GPRC6A: variants seen among roughly 807,000 people sequenced by gnomAD.
The protein encoded by GPRC6A is G protein-coupled receptor family C group 6 member A.
Under a neutral mutation model 47.0 loss-of-function variants are expected in GPRC6A, and 54 were observed. The ratio of observed to expected loss-of-function variants is 1.15; its 90% CI spans 0.92 to 1.44. GPRC6A has a LOEUF of 1.44. Ranked by LOEUF, GPRC6A falls within the 40% of genes most tolerant of loss-of-function variation. GPRC6A has a pLI of 0.00. For synonymous variants in GPRC6A, 347 were observed against 377.1 expected, an observed-to-expected ratio of 0.92 and a Z score of 0.93; for missense variants, 1,112 against 1,105.5, an observed-to-expected ratio of 1.01 and a Z score of -0.08.
chr6:116,810,433 A>C (rs1423618321), intron 1 of GPRC6A, among the ~76,000 whole-genome samples: 1 of 151,960 alleles, frequency 6.6e-6, no homozygotes, highest in Non-Finnish European at 1.5e-5. Flanking sequence ...ATCTCTTACT[A>C]TGTTTCCTTC....
rs746503898 is a variant in GPRC6A, at chr6:116,809,558, T to A, written c.254A>T (p.Asn85Ile). The A allele has an allele frequency of 2.5e-6, 4 of 1,612,794 alleles. No homozygotes were observed. In the East Asian group the frequency reaches 8.9e-5, roughly 36 times the overall value. Residue 85 changes from asparagine (N) to isoleucine (I), a missense_variant, in exon 2 of 6, where the codon AAC (asparagine) becomes ATC (isoleucine). Coordinates refer to ENST00000310357, the MANE Select transcript of GPRC6A (RefSeq NM_148963.4). ...LAMIHSIEMI[N>I]NSTLLPGVKL... ...GACTCCAGGTAAGAGTGTTGAATTG[T>A]TGATCATCTCAATGCTGTGTATCAT...
At chr6:116,816,986 G>A (rs1176212742) in intron 1 of GPRC6A, among the ~76,000 whole-genome samples, 3 of 152,200 alleles carry the variant, frequency 2.0e-5, no homozygotes, top group African/African-American at 4.8e-5. Context: ...GCCCAGGCTC[G>A]CTTAGGTAAA....
intron 1 of GPRC6A, among the ~76,000 whole-genome samples, chr6:116,823,971 C>T (rs1415114603): frequency 2.6e-5 from 4 of 152,122 alleles, no homozygotes; most frequent in Admixed American, 1.3e-4. Context: ...AAACTGCTCC[C>T]ATGATCCAAT....
In GPRC6A at chr6:116,792,508, T is replaced by C. The variant is rs1246532593; in HGVS notation, c.2415A>G (p.Thr805=). The change falls in exon 6 of 6, where the codon ACA becomes ACG. Residue 805 remains threonine (T), a synonymous_variant. Coordinates refer to ENST00000310357, the MANE Select transcript of GPRC6A (RefSeq NM_148963.4). ...WITFIPIYAT[T]FGKYVPAVEI... is the part of the protein sequence containing the mutation. Reference sequence around the variant, plus strand: ...CCACAGCTGGTACATATTTGCCAAATGTGGTAGCATAGATAGGGATGAATG... The same window carrying C: ...CCACAGCTGGTACATATTTGCCAAACGTGGTAGCATAGATAGGGATGAATG... 1 of 1,613,868 alleles carries C rather than the reference T, an allele frequency of 6.2e-7. No individual in the cohort carries two copies. The highest frequency in any genetic ancestry group is 1.1e-5 in the South Asian group (1 of 91,058).
At chr6:116,819,686 G>A (rs372762816) in intron 1 of GPRC6A, among the ~76,000 whole-genome samples, 9 of 152,048 alleles carry the variant, frequency 5.9e-5, no homozygotes, top group East Asian at 3.9e-4. Flanking sequence ...ACATACCAGA[G>A]TCTCTGGGAC....
At chr6:116,813,624 C>G (rs912028551) in intron 1 of GPRC6A, among the ~76,000 whole-genome samples, 1 of 152,174 alleles carries the variant, frequency 6.6e-6, no homozygotes, top group African/African-American at 2.4e-5. Context: ...GGATTAAAGA[C>G]TTAAATGTTA....
Position 116,807,224 on chromosome 6 carries a change from AT to A in GPRC6A, c.499-19del. ...TAACCCACCTGGAAATAGACAGAAT[AT>A]TTTAGTTATGGTGTTGATGAACTCC... On this transcript the variant is annotated intron_variant, in intron 2 of 5. Transcript: ENST00000310357. 6.7e-7 allele frequency: 1 copy of A among 1,496,832 alleles called. No homozygotes were observed. The highest frequency in any genetic ancestry group is 9.2e-7 in the Non-Finnish European group (1 of 1,081,310). 92.7% of individuals were successfully genotyped at this position (1,496,832 alleles called of 1,614,324 possible).
chr6:116,806,160 C>G (rs1772829561), intron 3 of GPRC6A, among the ~76,000 whole-genome samples: 1 of 151,958 alleles, frequency 6.6e-6, no homozygotes, highest in African/African-American at 2.4e-5. Flanking sequence ...TTTGGTAGGT[C>G]AGAGTAGGAA....
intron 1 of GPRC6A, among the ~76,000 whole-genome samples, chr6:116,814,909 A>G (rs920938686): frequency 2.0e-5 from 3 of 152,222 alleles, no homozygotes; most frequent in African/African-American, 4.8e-5. Flanking sequence ...AACAAAAACC[A>G]AAAGTGAGCA....
intron 1 of GPRC6A, among the ~76,000 whole-genome samples, chr6:116,824,873 C>T (rs545107911): frequency 9.9e-5 from 15 of 151,868 alleles, no homozygotes; most frequent in African/African-American, 3.1e-4. Flanking sequence ...TTCAACAGTG[C>T]GTCACAAAGA....
intron 1 of GPRC6A, among the ~76,000 whole-genome samples, chr6:116,826,661 A>C (rs1287997257): frequency 6.6e-6 from 1 of 151,994 alleles, no homozygotes; most frequent in Non-Finnish European, 1.5e-5. Context: ...TCAAAAATCT[A>C]AAAATGATAA....
At chr6:116,807,510 T>C (rs1386201440) in intron 2 of GPRC6A, among the ~76,000 whole-genome samples, 10 of 152,176 alleles carry the variant, frequency 6.6e-5, no homozygotes, top group African/African-American at 2.2e-4. Context: ...TGGATATTAT[T>C]TAAATACTTA....
chr6:116,821,157 G>A (rs1370416426), intron 1 of GPRC6A, among the ~76,000 whole-genome samples: 1 of 151,852 alleles, frequency 6.6e-6, no homozygotes, highest in African/African-American at 2.4e-5. Flanking sequence ...TCCAAGGGAT[G>A]TGAAGGACCT....
rs1489663850 is a variant in GPRC6A at position 116,793,149 on chromosome 6, A to T, written c.1774T>A (p.Ser592Thr). The T allele has an allele frequency of 1.2e-6, 2 of 1,613,666 alleles. No individual in the cohort carries two copies. The highest frequency in any genetic ancestry group is 1.7e-6 in the Non-Finnish European group (2 of 1,179,628). Residue 592 changes from serine (S) to threonine (T), a missense_variant, in exon 6 of 6, where the codon TCC becomes ACC. Physicochemically the swap from Ser to Thr is moderately conservative, Grantham distance 58 (BLOSUM62 1). Transcript: ENST00000310357. Reference protein sequence around the residue: ...KEVEYLNWNDSLAILLLILSL... With the variant: ...KEVEYLNWNDTLAILLLILSL... ...AGAATCAGGAGTAGGATGGCCAAGG[A>T]GTCATTCCAGTTGAGATATTCCACT... is the stretch of plus-strand genomic sequence containing the variant.
intron 1 of GPRC6A, among the ~76,000 whole-genome samples, chr6:116,810,837 A>G (rs934260716): frequency 2.0e-5 from 3 of 152,124 alleles, no homozygotes; most frequent in Non-Finnish European, 4.4e-5. Context: ...GGCACAACCA[A>G]CATTAGCCAG....
At chr6:116,820,430 C>T (rs1430291756) in intron 1 of GPRC6A, among the ~76,000 whole-genome samples, 1 of 151,970 alleles carries the variant, frequency 6.6e-6, no homozygotes, top group Admixed American at 6.6e-5. Context: ...GACCAATATC[C>T]TTGATGAACA....
At chr6:116,799,676 T>TG (rs1772599925) in intron 4 of GPRC6A, among the ~76,000 whole-genome samples, 1 of 152,064 alleles carries the variant, frequency 6.6e-6, no homozygotes, top group Non-Finnish European at 1.5e-5. Context: ...AGAAATAGAG[T>TG]ATACAAAGAA....
At chr6:116,812,902 C>G (rs893377904) in intron 1 of GPRC6A, among the ~76,000 whole-genome samples, 1 of 152,194 alleles carries the variant, frequency 6.6e-6, no homozygotes, top group Non-Finnish European at 1.5e-5. Context: ...TAAGCAACTT[C>G]AGCAAAGTCT....
chr6:116,795,889 C>G, intron 4 of GPRC6A, 54 bp from the exon 5 acceptor site: 1 of 1,241,558 alleles, frequency 8.1e-7, no homozygotes, highest in Non-Finnish European at 1.1e-6. Flanking sequence ...AAAAATTATC[C>G]TAATCGATTA....
Sources: gnomAD v4.1 joint callset for allele counts (sites outside exome capture counted in the v4.1 genomes callset) on GRCh38, gnomAD v4.1.1 for gene constraint, MANE v1.5 for transcripts, NCBI Gene and HGNC (gene_info 2026-07-23, HGNC 2026-07-21) for gene names.